PDE1C: variants seen among roughly 807,000 people sequenced by gnomAD.
The protein encoded by PDE1C is phosphodiesterase 1C.
In PDE1C, 62 loss-of-function variants were observed where a neutral mutation model predicts 93.1. That is an observed-to-expected ratio of 0.67 (90% CI 0.54 to 0.82). The LOEUF (loss-of-function observed/expected upper bound fraction) is 0.82. Among genes scored for constraint, PDE1C ranks in the 40% least tolerant of loss-of-function variants. The probability of loss-of-function intolerance (pLI) is 0.00; values close to 1 mark genes in which losing one functional copy is unlikely to be tolerated. For synonymous variants in PDE1C, 325 were observed against 310.1 expected (o/e 1.05, Z -0.50); for missense variants, 742 against 884.6 (o/e 0.84, Z 2.04).
intron 16 of PDE1C, chr7:31,790,167 G>C (rs564025901): frequency 6.2e-7 from 1 of 1,601,938 alleles, no homozygotes; most frequent in East Asian, 2.2e-5. Flanking sequence ...GTGGAAGAAG[G>C]AGAAGAAGGA....
At chr7:32,353,760 T>C (rs965257725) in intron 1 of PDE1C, among the ~76,000 whole-genome samples, 5 of 140,050 alleles carry the variant, frequency 3.6e-5, no homozygotes, top group Non-Finnish European at 6.1e-5. Flanking sequence ...GAGGAGTTTA[T>C]GAAATGATAT....
At chr7:31,691,179 A>G in the PDE1C span, among the ~76,000 whole-genome samples, 1 of 152,216 alleles carries the variant, frequency 6.6e-6, no homozygotes, top group Non-Finnish European at 1.5e-5. Flanking sequence ...GCTGTGCTCA[A>G]GTGATCAGTT....
rs532386349 is a variant in PDE1C at position 31,859,979 on chromosome 7, T to A, written c.750+4963A>T. ...TAACTCCCTATTGATAGGTATATAC[T>A]CCGTAATTGTTCACTATGGCAAACA... On this transcript the variant is annotated intron_variant, in intron 7 of 17. Transcript: ENST00000396191. 2.1e-4 allele frequency among the ~76,000 whole-genome samples: 32 copies of A among 152,298 alleles called. 1 individual carries two copies. The highest frequency in any genetic ancestry group is 2.8e-4 in the Non-Finnish European group (19 of 68,022).
chr7:32,009,387 TAGAG>T (rs1378148576), intron 2 of PDE1C, among the ~76,000 whole-genome samples: 3 of 152,158 alleles, frequency 2.0e-5, no homozygotes, highest in Non-Finnish European at 1.5e-5. Flanking sequence ...GAGAGCTAAA[TAGAG>T]AGATCTGCAA....
intron 1 of PDE1C, among the ~76,000 whole-genome samples, chr7:32,368,632 C>T (rs1784268518): frequency 6.6e-6 from 1 of 152,124 alleles, no homozygotes; most frequent in Non-Finnish European, 1.5e-5. Context: ...TAACATTCCT[C>T]ACAGAAATTT....
chr7:32,302,845 T>C (rs1300861749), upstream of PDE1C, among the ~76,000 whole-genome samples: 8 of 152,212 alleles, frequency 5.3e-5, no homozygotes, highest in African/African-American at 1.9e-4. Context: ...TACCTACTAT[T>C]TGGATTCTCC....
chr7:31,658,339 GA>G, the PDE1C span: 1 of 1,519,208 alleles, frequency 6.6e-7, no homozygotes, highest in Non-Finnish European at 8.8e-7. Flanking sequence ...TGCTAAAGAT[GA>G]AAAAATAAAA....
chr7:32,044,889 T>G (rs1278886801), intron 2 of PDE1C, among the ~76,000 whole-genome samples: 1 of 152,060 alleles, frequency 6.6e-6, no homozygotes, highest in Admixed American at 6.6e-5. Flanking sequence ...GACAGCTCAA[T>G]GCCAAGGTCA....
intron 1 of PDE1C, among the ~76,000 whole-genome samples, chr7:32,318,105 C>T (rs79643199): frequency 0.057 from 8,606 of 152,164 alleles, 285 homozygotes; most frequent in Middle Eastern, 0.088. Context: ...TTGTTCTAAC[C>T]CTTGAATTTT....
chr7:31,671,770 C>A, the PDE1C span, among the ~76,000 whole-genome samples: 5 of 152,174 alleles, frequency 3.3e-5, no homozygotes, highest in Admixed American at 6.5e-5. Context: ...ATATGGAAAG[C>A]AACCTATAAA....
chr7:31,764,833 A>T (rs1404298201), intron 17 of PDE1C, among the ~76,000 whole-genome samples: 1 of 152,250 alleles, frequency 6.6e-6, no homozygotes, highest in Non-Finnish European at 1.5e-5. Context: ...ATGAGTGAAT[A>T]AACTACTCTA....
the PDE1C span, among the ~76,000 whole-genome samples, chr7:31,677,052 G>A: frequency 1.1e-4 from 16 of 152,152 alleles, no homozygotes; most frequent in African/African-American, 1.7e-4. Flanking sequence ...ATTTGAAAAC[G>A]TAAATTGAAA....
chr7:32,048,984 G>A (rs1792986186), intron 2 of PDE1C, among the ~76,000 whole-genome samples: 1 of 152,132 alleles, frequency 6.6e-6, no homozygotes, highest in Non-Finnish European at 1.5e-5. Context: ...ACCTTGACAG[G>A]TTTGAGCAGC....
chr7:31,712,634 A>G, the PDE1C span, among the ~76,000 whole-genome samples: 1 of 152,194 alleles, frequency 6.6e-6, no homozygotes, highest in Admixed American at 6.5e-5. Flanking sequence ...TCAGAATGCC[A>G]TGGCCAGCTG....
Position 31,967,137 on chromosome 7 carries a change from C to T in PDE1C, c.128+84417G>A, listed in dbSNP as rs181526980. On this transcript the variant is annotated intron_variant, in intron 2 of 17. Transcript: ENST00000396191. Reference sequence around the variant, plus strand: ...AGCAGAACTGAAGGAAATAGAGACACAAAAAACCCTTCAAAAAATCAATGA... The same window carrying T: ...AGCAGAACTGAAGGAAATAGAGACATAAAAAACCCTTCAAAAAATCAATGA... 1.9e-4 allele frequency among the ~76,000 whole-genome samples: 29 copies of T among 152,164 alleles called. 1 individual carries two copies. Among genetic ancestry groups the T allele is most frequent in the Middle Eastern group, 3.4e-3 (1 of 294 alleles).
chr7:32,387,865 C>G (rs1046885446), intron 1 of PDE1C, among the ~76,000 whole-genome samples: 1 of 120,348 alleles, frequency 8.3e-6, no homozygotes, highest in Non-Finnish European at 1.8e-5. Context: ...GGCTGACCCC[C>G]CTCCCCCCTC....
At chr7:31,896,403 G>A (rs1799332375) in intron 2 of PDE1C, among the ~76,000 whole-genome samples, 1 of 152,152 alleles carries the variant, frequency 6.6e-6, no homozygotes. Context: ...ACTTCTGTCT[G>A]TTCACTCCTA....
At chr7:32,247,972 A>G (rs1282792230) in intron 1 of PDE1C, among the ~76,000 whole-genome samples, 1 of 152,162 alleles carries the variant, frequency 6.6e-6, no homozygotes, top group African/African-American at 2.4e-5. Context: ...TAATGATGGA[A>G]AGGAAGGAAT....
intron 3 of PDE1C, among the ~76,000 whole-genome samples, chr7:32,078,799 C>T (rs925994451): frequency 6.6e-6 from 1 of 151,862 alleles, no homozygotes; most frequent in Non-Finnish European, 1.5e-5. Context: ...TGGTGGTGCA[C>T]ACCTGTGGCC....
Sources: allele counts gnomAD v4.1 joint callset (sites outside exome capture counted in the v4.1 genomes callset), GRCh38; gene constraint gnomAD v4.1.1; transcripts MANE v1.5; gene names NCBI Gene and HGNC (gene_info 2026-07-23, HGNC 2026-07-21).